ADAMTS12: variants seen among roughly 807,000 people sequenced by gnomAD.
The protein encoded by ADAMTS12 is A disintegrin and metalloproteinase with thrombospondin motifs 12.
In ADAMTS12, 118 loss-of-function variants were observed where a neutral mutation model predicts 167.8. That is an observed-to-expected ratio of 0.70 (90% CI 0.61 to 0.82). The LOEUF is 0.82. ADAMTS12 is among the 40% of genes least tolerant of loss of function. ADAMTS12 has a pLI of 0.00. For missense variants in ADAMTS12, 1,916 were observed against 1,998.8 expected, an observed-to-expected ratio of 0.96 and a Z score of 0.79; for synonymous variants, 704 against 716.9, an observed-to-expected ratio of 0.98 and a Z score of 0.29.
At position 33,721,278 on chromosome 5, in the gene ADAMTS12, G is replaced by A. The variant is rs1470805623; in HGVS notation, c.634+30126C>T. Among the ~76,000 whole-genome samples, 6 of 152,280 alleles carry A rather than the reference G, an allele frequency of 3.9e-5. No homozygotes were observed. In the South Asian group the frequency reaches 1.2e-3, roughly 32 times the overall value. ...AGCTTGTCATGTTCTGCTTCTTGGC[G>A]TGGGTGTTAGTTACATGGACGTGTT... is the stretch of plus-strand genomic sequence containing the variant. On this transcript the variant is annotated intron_variant, in intron 3 of 23. Coordinates refer to ENST00000504830, the MANE Select transcript of ADAMTS12 (RefSeq NM_030955.4).
At chr5:33,693,672 A>G (rs1382521309) in intron 3 of ADAMTS12, among the ~76,000 whole-genome samples, 1 of 145,398 alleles carries the variant, frequency 6.9e-6, no homozygotes, top group Non-Finnish European at 1.5e-5. Context: ...ATACCTCACA[A>G]TATAAAGAGT....
intron 2 of ADAMTS12, among the ~76,000 whole-genome samples, chr5:33,872,947 C>T (rs1443190685): frequency 2.0e-5 from 3 of 152,134 alleles, no homozygotes; most frequent in African/African-American, 7.2e-5. Flanking sequence ...TAAAACTCTT[C>T]AATTTAATAC....
intron 2 of ADAMTS12, among the ~76,000 whole-genome samples, chr5:33,830,785 C>G (rs949443987): frequency 1.3e-5 from 2 of 151,810 alleles, no homozygotes; most frequent in African/African-American, 4.8e-5. Flanking sequence ...CAGCAAAACT[C>G]TGTCTGTATA....
Position 33,526,807 on chromosome 5 carries a change from C to T in ADAMTS12, c.*381G>A, listed in dbSNP as rs1353666600. The stretch of plus-strand genomic sequence containing the variant: ...AAGATAAATTAAGAAGATTATTTGT[C>T]CCCTGGGTAAGTGTTGCCTGATACT... On this transcript the variant is annotated 3_prime_UTR_variant, in exon 24 of 24. Coordinates refer to ENST00000504830, the MANE Select transcript of ADAMTS12 (RefSeq NM_030955.4). 1.8e-5 allele frequency: 3 copies of T among 165,368 alleles called. No homozygotes were observed. The highest frequency in any genetic ancestry group is 3.9e-5 in the Non-Finnish European group (3 of 77,074). 10.2% of individuals were successfully genotyped at this position (165,368 alleles called of 1,614,324 possible).
At chr5:33,544,543 T>C (rs1000012145) in intron 22 of ADAMTS12, among the ~76,000 whole-genome samples, 3 of 152,086 alleles carry the variant, frequency 2.0e-5, no homozygotes, top group African/African-American at 7.2e-5. Context: ...AAAAAGAGCC[T>C]GCAGTGCCAA....
chr5:33,569,649 A>C (rs1315700503), intron 19 of ADAMTS12, among the ~76,000 whole-genome samples: 2 of 152,322 alleles, frequency 1.3e-5, no homozygotes, highest in East Asian at 3.9e-4. Flanking sequence ...ATGGGGAAAA[A>C]ACAGAGCAGA....
intron 2 of ADAMTS12, among the ~76,000 whole-genome samples, chr5:33,822,783 T>C (rs1212112980): frequency 6.6e-6 from 1 of 152,078 alleles, no homozygotes; most frequent in Non-Finnish European, 1.5e-5. Context: ...AAAAACATCA[T>C]TGCACAGCTC....
intron 2 of ADAMTS12, among the ~76,000 whole-genome samples, chr5:33,867,952 G>T (rs572527387): frequency 6.6e-6 from 1 of 152,224 alleles, no homozygotes; most frequent in South Asian, 2.1e-4. Context: ...CTCATGATAG[G>T]GAGTTGAGTT....
At chr5:33,736,739 A>C (rs1744389989) in intron 3 of ADAMTS12, among the ~76,000 whole-genome samples, 1 of 152,172 alleles carries the variant, frequency 6.6e-6, no homozygotes, top group Non-Finnish European at 1.5e-5. Flanking sequence ...TCCCTGTGTT[A>C]TTCCAGTTAT....
At position 33,549,385 on chromosome 5, in the gene ADAMTS12, T is replaced by A. The variant is rs150294231; in HGVS notation, c.4126-2A>T. ...GCCCCCACTGCAGTTTCTGGAGCAC[T>A]GTATGGAGAGAAAAATCAAAGGCGA... On this transcript the variant is annotated splice_acceptor_variant, in intron 20 of 23. Transcript: ENST00000504830. LOFTEE classifies it high-confidence loss of function. The A allele has an allele frequency of 2.2e-5, 35 of 1,605,056 alleles. No individual in the cohort carries two copies. The Admixed American group carries it at 2.7e-4, about 12-fold the overall frequency.
At chr5:33,715,130 C>G (rs1743557612) in intron 3 of ADAMTS12, among the ~76,000 whole-genome samples, 1 of 151,776 alleles carries the variant, frequency 6.6e-6, no homozygotes, top group Non-Finnish European at 1.5e-5. Flanking sequence ...ATTTTCAGGG[C>G]CTGTTGACTT....
At chr5:33,848,634 T>G (rs979798193) in intron 2 of ADAMTS12, among the ~76,000 whole-genome samples, 2 of 152,174 alleles carry the variant, frequency 1.3e-5, no homozygotes, top group African/African-American at 2.4e-5. Flanking sequence ...TACTTGAGGT[T>G]GTTGGAATTG....
chr5:33,840,751 C>G (rs1748719432), intron 2 of ADAMTS12, among the ~76,000 whole-genome samples: 1 of 152,196 alleles, frequency 6.6e-6, no homozygotes, highest in African/African-American at 2.4e-5. Context: ...CCAGGGCCAC[C>G]CTGCAGGGAT....
chr5:33,821,985 A>G (rs1747886934), intron 2 of ADAMTS12, among the ~76,000 whole-genome samples: 1 of 152,218 alleles, frequency 6.6e-6, no homozygotes, highest in Admixed American at 6.5e-5. Context: ...CCACGTGTTT[A>G]ATCAAGATTT....
At chr5:33,682,909 CCAAA>C in intron 5 of ADAMTS12, 105 bp downstream of exon 5, 2 of 836,038 alleles carry the variant, frequency 2.4e-6, no homozygotes, top group Non-Finnish European at 3.8e-6. Context: ...CGATGGGCTT[CCAAA>C]CACTTTCTGG....
intron 2 of ADAMTS12, among the ~76,000 whole-genome samples, chr5:33,877,230 G>T (rs905810690): frequency 7.2e-5 from 11 of 152,318 alleles, no homozygotes; most frequent in Admixed American, 5.9e-4. Context: ...ATTACATAAT[G>T]TGCTATAAAC....
chr5:33,545,574 T>C (rs535620954), intron 22 of ADAMTS12, among the ~76,000 whole-genome samples: 2 of 152,132 alleles, frequency 1.3e-5, no homozygotes, highest in African/African-American at 2.4e-5. Flanking sequence ...ATGTTTATTG[T>C]GGCACTATTC....
intron 3 of ADAMTS12, 51 bp downstream of exon 3, chr5:33,751,343 TAAAACAACCA>T: frequency 6.2e-7 from 1 of 1,610,302 alleles, no homozygotes; most frequent in Non-Finnish European, 8.5e-7. Context: ...CATGTTTTAA[TAAAACAACCA>T]AAAGAACAAA....
In ADAMTS12 at chr5:33,615,982, C is replaced by A. The variant is rs1309339317; in HGVS notation, c.2234G>T (p.Ser745Ile). 1 of 1,614,186 alleles carries A rather than the reference C, an allele frequency of 6.2e-7. No homozygotes were observed. The highest frequency in any genetic ancestry group is 1.3e-5 in the African/African-American group (1 of 75,048). ...EGAGNFLAIR[S>I]EDPEKYYLNG... Reference sequence around the variant, plus strand: ...CAGGTAATATTTTTCAGGATCTTCACTCCTGATGGCCAGGAAGTTTCCAGC... The same window carrying A: ...CAGGTAATATTTTTCAGGATCTTCAATCCTGATGGCCAGGAAGTTTCCAGC... The change falls in exon 15 of 24, where the codon AGT becomes ATT. Residue 745 changes from serine (S) to isoleucine (I), a missense_variant. Coordinates refer to ENST00000504830, the MANE Select transcript of ADAMTS12 (RefSeq NM_030955.4).
Sources: gnomAD v4.1 joint callset for allele counts (sites outside exome capture counted in the v4.1 genomes callset) on GRCh38, gnomAD v4.1.1 for gene constraint, MANE v1.5 for transcripts, NCBI Gene and HGNC (gene_info 2026-07-23, HGNC 2026-07-21) for gene names.